The following TNKS2 variants were observed in gnomAD, a reference collection of about 807,000 sequenced individuals.
TNKS2 encodes tankyrase 2, also known as poly [ADP-ribose] polymerase tankyrase-2.
TNKS2 carries 72 observed loss-of-function variants against 137.6 expected under a neutral mutation model. The ratio of observed to expected loss-of-function variants is 0.52; its 90% CI spans 0.43 to 0.64. The LOEUF is 0.64. Among genes scored for constraint, TNKS2 ranks in the 30% least tolerant of loss-of-function variants. The pLI is 0.00. For synonymous variants in TNKS2, 516 were observed against 512.1 expected, an observed-to-expected ratio of 1.01 and a Z score of -0.10; for missense variants, 1,049 against 1,410.2, an observed-to-expected ratio of 0.74 and a Z score of 4.10.
intron 24 of TNKS2, among the ~76,000 whole-genome samples, chr10:91,858,764 T>C (rs929864255): frequency 1.3e-5 from 2 of 152,224 alleles, no homozygotes; most frequent in Non-Finnish European, 2.9e-5. Flanking sequence ...ATCCCAACAC[T>C]TTGGGAGGCC....
At chr10:91,812,196 G>A in intron 1 of TNKS2, among the ~76,000 whole-genome samples, 1 of 152,132 alleles carries the variant, frequency 6.6e-6, no homozygotes, top group African/African-American at 2.4e-5. Context: ...AAAGCTAGGT[G>A]TAAAAAGGTT....
At chr10:91,817,518 T>C (rs1398465145) in intron 3 of TNKS2, among the ~76,000 whole-genome samples, 3 of 152,220 alleles carry the variant, frequency 2.0e-5, no homozygotes, top group Non-Finnish European at 2.9e-5. Flanking sequence ...ATTTTTTAAA[T>C]ACCCCTGAGT....
At chr10:91,853,795 C>G (rs576159694) in intron 21 of TNKS2, among the ~76,000 whole-genome samples, 23 of 152,302 alleles carry the variant, frequency 1.5e-4, no homozygotes, top group African/African-American at 5.5e-4. Flanking sequence ...GGTAGTAGTC[C>G]TGTTCTTCAG....
intron 1 of TNKS2, chr10:91,807,542 C>G (rs959261550): frequency 1.9e-6 from 2 of 1,067,616 alleles, no homozygotes; most frequent in Non-Finnish European, 1.4e-6. Flanking sequence ...CCTGCAATGC[C>G]ATTCTTTCTT....
chr10:91,847,465 A>G (rs571162058), intron 18 of TNKS2, among the ~76,000 whole-genome samples: 26 of 152,194 alleles, frequency 1.7e-4, no homozygotes, highest in Non-Finnish European at 2.8e-4. Flanking sequence ...CCCAGGTTCA[A>G]ATGATTCTGC....
At chr10:91,814,878 A>G (rs1448863425) in intron 2 of TNKS2, among the ~76,000 whole-genome samples, 2 of 152,192 alleles carry the variant, frequency 1.3e-5, no homozygotes, top group African/African-American at 4.8e-5. Flanking sequence ...TAAGTGACAC[A>G]TGACTGTATT....
chr10:91,828,183 A>C, intron 8 of TNKS2, 102 bp from the exon 9 acceptor site: 1 of 1,254,328 alleles, frequency 8.0e-7, no homozygotes, highest in Non-Finnish European at 1.1e-6. Context: ...CTATTTTGGA[A>C]GATTATTTTG....
rs775561284 is a variant in TNKS2 at position 91,819,527 on chromosome 10, T to C, written c.603T>C (p.Asn201=). ...EKMMALLTPL[N]VNCHASDGRK... ...TGATGGCTCTACTCACACCATTAAA[T>C]GTCAACTGCCACGCAAGTGATGGCA... Residue 201 remains asparagine, a synonymous_variant, in exon 5 of 27, where the codon AAT becomes AAC. Transcript: ENST00000371627. 3.8e-6 allele frequency: 6 copies of C among 1,596,450 alleles called. No homozygotes were observed. The highest frequency in any genetic ancestry group is 5.1e-6 in the Non-Finnish European group (6 of 1,175,378).
chr10:91,848,097 AAGCATT>A (rs1173909744), intron 18 of TNKS2, among the ~76,000 whole-genome samples: 1 of 152,140 alleles, frequency 6.6e-6, no homozygotes, highest in Non-Finnish European at 1.5e-5. Flanking sequence ...TATTATACTC[AAGCATT>A]ATACTTACTG....
chr10:91,850,428 G>A (rs1026307073), intron 20 of TNKS2, among the ~76,000 whole-genome samples: 3 of 145,984 alleles, frequency 2.1e-5, no homozygotes, highest in African/African-American at 5.0e-5. Context: ...TTAGAAATTT[G>A]TAGAAGGGAG....
Position 91,798,441 on chromosome 10 carries a change from G to A in TNKS2, c.-250G>A, listed in dbSNP as rs531424553. Reference sequence around the variant, plus strand: ...GGGCCTTGCCAGCTTCCGCCGCCGCGTCGTTTCAGGACCCGGACGGCGGAT... The same window carrying A: ...GGGCCTTGCCAGCTTCCGCCGCCGCATCGTTTCAGGACCCGGACGGCGGAT... On this transcript the variant is annotated 5_prime_UTR_variant, in exon 1 of 27. Coordinates refer to ENST00000371627, the MANE Select transcript of TNKS2 (RefSeq NM_025235.4). The A allele has an allele frequency of 3.4e-6, 1 of 297,668 alleles. No individual in the cohort carries two copies. 18.4% of individuals were successfully genotyped at this position (297,668 alleles called of 1,614,324 possible).
chr10:91,801,778 G>T (rs1589637049), intron 1 of TNKS2, among the ~76,000 whole-genome samples: 2 of 152,140 alleles, frequency 1.3e-5, no homozygotes, highest in African/African-American at 4.8e-5. Flanking sequence ...GGCCAGGAAT[G>T]ATTTTTTTCC....
rs116220081 is a variant in TNKS2, at chr10:91,842,590, A to G, written c.2059+199A>G. Among the ~76,000 whole-genome samples, 871 of 152,238 alleles carry G rather than the reference A, an allele frequency of 5.7e-3. 8 individuals are homozygous for G. The highest frequency in any genetic ancestry group is 0.02 in the African/African-American group (825 of 41,538). ...GGAATTTGAGAGCAGCCTGGGCAAC[A>G]TGGCAAAACCACACCTCTATAAAAA... On this transcript the variant is annotated intron_variant, in intron 16 of 26. Coordinates refer to ENST00000371627, the MANE Select transcript of TNKS2 (RefSeq NM_025235.4).
chr10:91,856,713 A>G (rs1225676844), intron 23 of TNKS2, among the ~76,000 whole-genome samples: 1 of 152,180 alleles, frequency 6.6e-6, no homozygotes, highest in Admixed American at 6.6e-5. Flanking sequence ...TTTTTAATGC[A>G]TAAATGAGAT....
Position 91,864,957 on chromosome 10 carries a change from C to T in TNKS2, c.*1958C>T. The T allele has an allele frequency of 6.6e-6, 1 of 152,466 alleles. No individual in the cohort carries two copies. The highest frequency in any genetic ancestry group is 1.9e-4 in the East Asian group (1 of 5,192). The allele number at this position is 152,466 out of a possible 1,614,324, so 9.4% of individuals were successfully genotyped here. On this transcript the variant is annotated 3_prime_UTR_variant, in exon 27 of 27. Transcript: ENST00000371627. ...AATACTGCAAACTGTGTTATTTTAT[C>T]TAATCCATTGCTTAATGAGTGTGTT...
At chr10:91,853,705 C>T (rs1014101415) in intron 21 of TNKS2, among the ~76,000 whole-genome samples, 2 of 152,236 alleles carry the variant, frequency 1.3e-5, no homozygotes, top group African/African-American at 4.8e-5. Context: ...CTGTAAAACA[C>T]TCTCCATATG....
intron 11 of TNKS2, among the ~76,000 whole-genome samples, chr10:91,832,764 A>G (rs1386144843): frequency 3.3e-5 from 5 of 152,136 alleles, no homozygotes; most frequent in Admixed American, 6.6e-5. Flanking sequence ...TTTCCATAGC[A>G]GGGAGGTAGG....
intron 9 of TNKS2, among the ~76,000 whole-genome samples, chr10:91,828,619 GA>G (rs902623183): frequency 1.2e-4 from 18 of 149,456 alleles, no homozygotes; most frequent in Admixed American, 2.7e-4. Context: ...AGAATCCTCA[GA>G]AAAAAAAAAT....
At chr10:91,799,012 C>T in intron 1 of TNKS2, 123 bp downstream of exon 1, 3 of 1,236,944 alleles carry the variant, frequency 2.4e-6, no homozygotes, top group Non-Finnish European at 3.0e-6. Flanking sequence ...TCCTGGTGAT[C>T]TCGCTCTCTT....
Sources: allele counts gnomAD v4.1 joint callset (sites outside exome capture counted in the v4.1 genomes callset), GRCh38; gene constraint gnomAD v4.1.1; transcripts MANE v1.5; gene names NCBI Gene and HGNC (gene_info 2026-07-23, HGNC 2026-07-21).